The following COL28A1 variants were observed in gnomAD, a reference collection of about 807,000 sequenced individuals.
COL28A1 encodes the protein collagen alpha-1(XXVIII) chain.
A neutral mutation model predicts 150.2 loss-of-function variants in COL28A1; 161 were observed. The ratio of observed to expected loss-of-function variants is 1.07; its 90% CI spans 0.94 to 1.22. The LOEUF (loss-of-function observed/expected upper bound fraction) is 1.22. Ranked by LOEUF, COL28A1 falls within the 50% of genes most tolerant of loss-of-function variation. COL28A1 has a pLI of 0.00. For synonymous variants in COL28A1, 552 were observed against 469.7 expected, an observed-to-expected ratio of 1.18 and a Z score of -2.26; for missense variants, 1,617 against 1,388.3, an observed-to-expected ratio of 1.16 and a Z score of -2.62.
At chr7:7,518,196 G>A (rs532514757) in intron 6 of COL28A1, among the ~76,000 whole-genome samples, 2 of 152,226 alleles carry the variant, frequency 1.3e-5, no homozygotes, top group South Asian at 2.1e-4. Flanking sequence ...TTTCCAAAAT[G>A]TCCTCAAGAG....
chr7:7,343,351 C>A, the COL28A1 span, among the ~76,000 whole-genome samples: 3 of 152,034 alleles, frequency 2.0e-5, no homozygotes, highest in African/African-American at 7.2e-5. Flanking sequence ...TAATCTCAGA[C>A]TGCTCACTCT....
At position 7,519,080 on chromosome 7, in the gene COL28A1, A is replaced by G. The variant is rs147538434; in HGVS notation, c.813+982T>C. ...ACATTCTCATGCTGCTAACAAAGAC[A>G]CACCTGAGACTGGGTAGTTTATAAA... On this transcript the variant is annotated intron_variant, in intron 6 of 34. Transcript: ENST00000399429. 7.8e-3 allele frequency among the ~76,000 whole-genome samples: 1,189 copies of G among 152,292 alleles called. 6 individuals carry two copies. Among genetic ancestry groups the G allele is most frequent in the Non-Finnish European group, 0.01 (707 of 68,018 alleles).
Position 7,383,952 on chromosome 7 carries a change from A to G in COL28A1, c.2137-2340T>C, listed in dbSNP as rs1782039954. On this transcript the variant is annotated intron_variant, in intron 27 of 34. Transcript: ENST00000399429. ...ACAAAATAAAATGAACACAGCACAGATTCTCTGAAGCTGAACTAAAGGGCT... is the reference window on the plus strand; with the variant it reads ...ACAAAATAAAATGAACACAGCACAGGTTCTCTGAAGCTGAACTAAAGGGCT... Among the ~76,000 whole-genome samples the G allele has an allele frequency of 7.2e-5, 11 of 152,284 alleles. No individual in the cohort carries two copies. In the South Asian group the frequency reaches 2.3e-3, roughly 32 times the overall value.
the COL28A1 span, among the ~76,000 whole-genome samples, chr7:7,343,920 A>C: frequency 2.0e-5 from 3 of 151,774 alleles, no homozygotes; most frequent in Non-Finnish European, 4.4e-5. Context: ...AGGTGGGAGG[A>C]TAGCTTGAGC....
intron 9 of COL28A1, among the ~76,000 whole-genome samples, chr7:7,510,059 T>C (rs1562870463): frequency 6.6e-6 from 1 of 152,174 alleles, no homozygotes; most frequent in Non-Finnish European, 1.5e-5. Context: ...TTTTCTCTCC[T>C]TGACTCCCTT....
intron 25 of COL28A1, among the ~76,000 whole-genome samples, chr7:7,420,652 T>C (rs1166790090): frequency 1.3e-5 from 2 of 152,178 alleles, no homozygotes; most frequent in Non-Finnish European, 2.9e-5. Flanking sequence ...GTCTAGTTTA[T>C]GTAACTTCTC....
At chr7:7,512,984 A>C (rs553566978) in intron 8 of COL28A1, among the ~76,000 whole-genome samples, 16 of 152,352 alleles carry the variant, frequency 1.1e-4, no homozygotes, top group African/African-American at 3.8e-4. Flanking sequence ...GCTATGAAAA[A>C]TAAATGTCAG....
intron 25 of COL28A1, among the ~76,000 whole-genome samples, chr7:7,428,040 C>T (rs1186010843): frequency 6.6e-6 from 1 of 152,168 alleles, no homozygotes; most frequent in Non-Finnish European, 1.5e-5. Flanking sequence ...AGTTGCTCAA[C>T]CTTCTGGTTC....
chr7:7,460,534 C>A (rs2128337832), intron 15 of COL28A1, among the ~76,000 whole-genome samples: 1 of 152,234 alleles, frequency 6.6e-6, no homozygotes, highest in Non-Finnish European at 1.5e-5. Flanking sequence ...CAGGCGCCTG[C>A]CACCACGCCC....
intron 14 of COL28A1, among the ~76,000 whole-genome samples, chr7:7,476,897 C>T (rs1788935202): frequency 6.6e-6 from 1 of 152,206 alleles, no homozygotes; most frequent in South Asian, 2.1e-4. Context: ...GTAGTAATTA[C>T]ATGAAGTAGA....
the COL28A1 span, among the ~76,000 whole-genome samples, chr7:7,341,371 ATCATC>A: frequency 6.6e-6 from 1 of 151,892 alleles, no homozygotes; most frequent in African/African-American, 2.4e-5. Flanking sequence ...TGATGCTTTT[ATCATC>A]TCATTATTTT....
intron 8 of COL28A1, among the ~76,000 whole-genome samples, chr7:7,512,990 GTCAGCTGA>G (rs1248259471): frequency 2.8e-4 from 42 of 152,272 alleles, no homozygotes; most frequent in African/African-American, 9.6e-4. Flanking sequence ...AAAAATAAAT[GTCAGCTGA>G]ACTTTAAACA....
At chr7:7,378,098 C>T (rs1643335663) in intron 30 of COL28A1, among the ~76,000 whole-genome samples, 1 of 151,990 alleles carries the variant, frequency 6.6e-6, no homozygotes, top group Non-Finnish European at 1.5e-5. Context: ...TGTCCACGGG[C>T]AGCCAAGGAT....
intron 5 of COL28A1, among the ~76,000 whole-genome samples, chr7:7,521,543 T>C (rs1257842974): frequency 6.6e-6 from 1 of 152,210 alleles, no homozygotes; most frequent in Non-Finnish European, 1.5e-5. Flanking sequence ...GTACTCCATG[T>C]TTCTAGTAGG....
At chr7:7,473,816 G>C (rs1464468774) in intron 15 of COL28A1, among the ~76,000 whole-genome samples, 1 of 151,764 alleles carries the variant, frequency 6.6e-6, no homozygotes, top group African/African-American at 2.4e-5. Context: ...AGTGGATAAA[G>C]AAACTATGAT....
intron 30 of COL28A1, among the ~76,000 whole-genome samples, chr7:7,377,545 G>A (rs1405800823): frequency 6.6e-6 from 1 of 152,134 alleles, no homozygotes; most frequent in African/African-American, 2.4e-5. Context: ...AGGCAAGGTG[G>A]TCGGCCTTCT....
At chr7:7,461,124 C>T (rs144828897) in intron 15 of COL28A1, among the ~76,000 whole-genome samples, 43 of 152,306 alleles carry the variant, frequency 2.8e-4, no homozygotes, top group African/African-American at 1.0e-3. Context: ...ATTGTCCGCC[C>T]CTGAACACAT....
At chr7:7,399,747 A>G (rs1263872183) in intron 27 of COL28A1, among the ~76,000 whole-genome samples, 1 of 152,232 alleles carries the variant, frequency 6.6e-6, no homozygotes, top group Non-Finnish European at 1.5e-5. Context: ...TGGAATCTGG[A>G]GCTGAGTCTA....
chr7:7,455,523 T>A (rs181776059), intron 16 of COL28A1, among the ~76,000 whole-genome samples: 331 of 152,336 alleles, frequency 2.2e-3, no homozygotes, highest in African/African-American at 7.4e-3. Context: ...ATTATATCTG[T>A]GTTTTGCTTC....
Sources: gnomAD v4.1 joint callset for allele counts (sites outside exome capture counted in the v4.1 genomes callset) on GRCh38, gnomAD v4.1.1 for gene constraint, MANE v1.5 for transcripts, NCBI Gene and HGNC (gene_info 2026-07-23, HGNC 2026-07-21) for gene names.